Variants in HCN1 observed in about 807,000 individuals in gnomAD.
HCN1 encodes potassium/sodium hyperpolarization-activated cyclic nucleotide-gated channel 1.
HCN1 carries 13 observed loss-of-function variants against 78.9 expected under a neutral mutation model. The observed-to-expected ratio is 0.16, with a 90% CI of 0.11 to 0.26. The LOEUF (loss-of-function observed/expected upper bound fraction) is 0.26. Among genes scored for constraint, HCN1 ranks in the 10% least tolerant of loss-of-function variants. The probability of loss-of-function intolerance (pLI) is 1.00; values close to 1 mark genes in which losing one functional copy is unlikely to be tolerated. For missense variants in HCN1, 810 were observed against 1,154.3 expected, an observed-to-expected ratio of 0.70 and a Z score of 4.32; for synonymous variants, 552 against 455.5, an observed-to-expected ratio of 1.21 and a Z score of -2.70.
intron 2 of HCN1, among the ~76,000 whole-genome samples, chr5:45,641,187 T>C (rs996571952): frequency 6.6e-6 from 1 of 152,178 alleles, no homozygotes; most frequent in African/African-American, 2.4e-5. Context: ...GTAATTAGAA[T>C]ATGTATTGTA....
intron 2 of HCN1, among the ~76,000 whole-genome samples, chr5:45,629,670 T>C (rs1442105609): frequency 6.6e-6 from 1 of 152,174 alleles, no homozygotes; most frequent in Non-Finnish European, 1.5e-5. Flanking sequence ...TTATTGCTTG[T>C]ATTTCAAGTG....
At chr5:45,355,451 C>T (rs1431854837) in intron 4 of HCN1, among the ~76,000 whole-genome samples, 1 of 152,122 alleles carries the variant, frequency 6.6e-6, no homozygotes, top group East Asian at 1.9e-4. Flanking sequence ...TGTGTTTTAA[C>T]AGGTCCTTCA....
chr5:45,489,342 G>T (rs147845595), intron 2 of HCN1, among the ~76,000 whole-genome samples: 2 of 152,258 alleles, frequency 1.3e-5, no homozygotes, highest in East Asian at 3.9e-4. Context: ...TGAAACTCAT[G>T]GCTAGCATTT....
chr5:45,644,516 T>C (rs1455757807), intron 2 of HCN1: 2 of 152,208 alleles, frequency 1.3e-5, no homozygotes, highest in African/African-American at 4.8e-5. Flanking sequence ...ATGGGCCTGA[T>C]TGGTCAGATT....
chr5:45,545,946 C>A (rs1251147257), intron 2 of HCN1, among the ~76,000 whole-genome samples: 3 of 151,964 alleles, frequency 2.0e-5, no homozygotes, highest in African/African-American at 7.2e-5. Flanking sequence ...TACTTTAATG[C>A]TCCGTGTAAT....
chr5:45,607,596 T>TAG lies in HCN1; in HGVS notation c.849+37588_849+37589insCT, dbSNP rs1491554841. 6.2e-5 allele frequency among the ~76,000 whole-genome samples: 9 copies of TAG among 145,894 alleles called. No individual in the cohort carries two copies. In the South Asian group the frequency reaches 1.7e-3, roughly 28 times the overall value. The stretch of plus-strand genomic sequence containing the variant: ...CAATATCATTATATATATATATATA[T>TAG]CTATAGATAGATCCAGATATATCTA... On this transcript the variant is annotated intron_variant, in intron 2 of 7. Coordinates refer to ENST00000303230, the MANE Select transcript of HCN1 (RefSeq NM_021072.4).
At chr5:45,368,690 C>A (rs576862577) in intron 4 of HCN1, among the ~76,000 whole-genome samples, 280 of 145,610 alleles carry the variant, frequency 1.9e-3, no homozygotes, top group South Asian at 3.7e-3. Context: ...AGCTGAAATC[C>A]TTCATCAAAA....
chr5:45,533,468 T>C (rs1441553382), intron 2 of HCN1, among the ~76,000 whole-genome samples: 1 of 152,226 alleles, frequency 6.6e-6, no homozygotes, highest in South Asian at 2.1e-4. Context: ...TTTCTGTAAC[T>C]ATAGTGATAT....
chr5:45,391,561 A>G (rs1286872100), intron 4 of HCN1, among the ~76,000 whole-genome samples: 4 of 152,160 alleles, frequency 2.6e-5, no homozygotes, highest in African/African-American at 9.7e-5. Context: ...AAAATTGAAG[A>G]CTTAGAATTA....
At chr5:45,447,326 A>G (rs889493195) in intron 3 of HCN1, among the ~76,000 whole-genome samples, 1 of 152,136 alleles carries the variant, frequency 6.6e-6, no homozygotes, top group East Asian at 1.9e-4. Context: ...CACTGTAACC[A>G]CAGCCTCCCC....
chr5:45,421,948 G>A lies in HCN1; in HGVS notation c.1012-25238C>T, dbSNP rs569354476. On this transcript the variant is annotated intron_variant, in intron 3 of 7. Coordinates refer to ENST00000303230, the MANE Select transcript of HCN1 (RefSeq NM_021072.4). ...ACAGGACACACTACCCCAAAATATG[G>A]CACCTTGAAAACTGAGAAAACAGCA... Among the ~76,000 whole-genome samples, 58 of 152,194 alleles carry A rather than the reference G, an allele frequency of 3.8e-4. 1 individual carries two copies. In the South Asian group the frequency reaches 0.012, roughly 30 times the overall value.
intron 4 of HCN1, among the ~76,000 whole-genome samples, chr5:45,374,264 CATATATATTATATACATTATATACATT>C (rs1561130461): frequency 5.2e-5 from 5 of 96,102 alleles, no homozygotes; most frequent in South Asian, 3.2e-4. Context: ...ATATACATAA[CATATATATTATATACATTATATACATT>C]ATATATATTG....
chr5:45,370,347 A>T (rs1366595937), intron 4 of HCN1, among the ~76,000 whole-genome samples: 1 of 152,056 alleles, frequency 6.6e-6, no homozygotes, highest in Non-Finnish European at 1.5e-5. Flanking sequence ...TGCCTTAAAA[A>T]TAATGTCCCA....
intron 2 of HCN1, among the ~76,000 whole-genome samples, chr5:45,584,791 C>T (rs1248864828): frequency 6.6e-6 from 1 of 152,116 alleles, no homozygotes; most frequent in East Asian, 1.9e-4. Context: ...ACTTATGAAG[C>T]TTAGTTTGGC....
chr5:45,494,501 C>A (rs1741977229), intron 2 of HCN1, among the ~76,000 whole-genome samples: 1 of 151,590 alleles, frequency 6.6e-6, no homozygotes, highest in Non-Finnish European at 1.5e-5. Flanking sequence ...TGGATATTAG[C>A]CCTTTGACAG....
chr5:45,544,049 C>A (rs1044540897), intron 2 of HCN1, among the ~76,000 whole-genome samples: 2 of 151,918 alleles, frequency 1.3e-5, no homozygotes, highest in African/African-American at 4.8e-5. Flanking sequence ...TTCCATTATT[C>A]CATGATTTTG....
At chr5:45,397,238 G>T (rs1173585055) in intron 3 of HCN1, among the ~76,000 whole-genome samples, 1 of 152,042 alleles carries the variant, frequency 6.6e-6, no homozygotes, top group Non-Finnish European at 1.5e-5. Context: ...TGGAAATACA[G>T]GTCTGATAAA....
chr5:45,640,947 T>C (rs1164397553), intron 2 of HCN1, among the ~76,000 whole-genome samples: 3 of 151,356 alleles, frequency 2.0e-5, no homozygotes, highest in African/African-American at 7.3e-5. Context: ...CAAGCAGCAC[T>C]GTAAAACTGA....
At chr5:45,306,496 C>T (rs1407750983) in intron 5 of HCN1, among the ~76,000 whole-genome samples, 1 of 151,826 alleles carries the variant, frequency 6.6e-6, no homozygotes, top group Non-Finnish European at 1.5e-5. Flanking sequence ...CTTTTACTTC[C>T]CAGGAGTATT....
Sources: allele counts gnomAD v4.1 joint callset (sites outside exome capture counted in the v4.1 genomes callset), GRCh38; gene constraint gnomAD v4.1.1; transcripts MANE v1.5; gene names NCBI Gene and HGNC (gene_info 2026-07-23, HGNC 2026-07-21).